The following DPP10 variants were observed in gnomAD, a reference collection of about 807,000 sequenced individuals.
DPP10 encodes the protein inactive dipeptidyl peptidase 10.
A neutral mutation model predicts 120.9 loss-of-function variants in DPP10; 33 were observed. The observed-to-expected ratio is 0.27, with a 90% confidence interval of 0.21 to 0.37. The LOEUF (loss-of-function observed/expected upper bound fraction) is 0.37. DPP10 is among the 10% of genes least tolerant of loss of function. DPP10 has a pLI of 1.00. For missense variants in DPP10, 816 were observed against 942.8 expected (o/e 0.87, Z 1.76); for synonymous variants, 337 against 326.1 (o/e 1.03, Z -0.36).
chr2:114,595,398 T>C (rs1437689487), intron 1 of DPP10, among the ~76,000 whole-genome samples: 1 of 152,076 alleles, frequency 6.6e-6, no homozygotes, highest in Non-Finnish European at 1.5e-5. Flanking sequence ...AATTATACTT[T>C]GTGAGGATGG....
At chr2:114,579,286 A>G (rs1457411599) in intron 1 of DPP10, among the ~76,000 whole-genome samples, 2 of 152,196 alleles carry the variant, frequency 1.3e-5, no homozygotes, top group Non-Finnish European at 2.9e-5. Context: ...GAGTGGAGTG[A>G]ACTGCTCAGC....
intron 5 of DPP10, among the ~76,000 whole-genome samples, chr2:115,651,076 T>C (rs367925912): frequency 2.0e-5 from 3 of 152,038 alleles, no homozygotes; most frequent in South Asian, 2.1e-4. Context: ...TGCTTATCTT[T>C]TTCTCCATTA....
intron 1 of DPP10, among the ~76,000 whole-genome samples, chr2:115,127,759 C>G (rs934709547): frequency 6.6e-6 from 1 of 152,130 alleles, no homozygotes; most frequent in Non-Finnish European, 1.5e-5. Flanking sequence ...TTACTTGCCC[C>G]TTAGTAGCTT....
intron 1 of DPP10, among the ~76,000 whole-genome samples, chr2:114,832,558 T>G (rs1558788028): frequency 6.6e-6 from 1 of 152,090 alleles, no homozygotes; most frequent in Admixed American, 6.6e-5. Flanking sequence ...AATAAATGAA[T>G]AAATAAACAA....
At chr2:114,918,233 A>G (rs887675863) in intron 1 of DPP10, among the ~76,000 whole-genome samples, 3 of 152,236 alleles carry the variant, frequency 2.0e-5, no homozygotes, top group East Asian at 1.9e-4. Context: ...AATGCAAATC[A>G]AAACAGCACA....
intron 1 of DPP10, among the ~76,000 whole-genome samples, chr2:115,138,358 G>T (rs1573751018): frequency 6.6e-6 from 1 of 152,246 alleles, no homozygotes; most frequent in South Asian, 2.1e-4. Context: ...GCATTATAAA[G>T]CATCCTTCCT....
intron 1 of DPP10, among the ~76,000 whole-genome samples, chr2:115,151,491 T>A (rs1044360847): frequency 6.6e-6 from 1 of 150,442 alleles, no homozygotes; most frequent in African/African-American, 2.4e-5. Context: ...CACTGCAACC[T>A]CTGCCGCCTG....
intron 1 of DPP10, among the ~76,000 whole-genome samples, chr2:114,861,475 T>C (rs1275983640): frequency 2.0e-5 from 3 of 152,218 alleles, no homozygotes; most frequent in Non-Finnish European, 4.4e-5. Context: ...CACCAACAAA[T>C]GCATTTGATT....
chr2:114,462,137 C>T (rs1278287489), intron 1 of DPP10: 1 of 985,302 alleles, frequency 1.0e-6, no homozygotes. Context: ...TCCCGTAACA[C>T]CAGGTAATTT....
chr2:115,443,882 G>A (rs2072314590), intron 3 of DPP10, among the ~76,000 whole-genome samples: 3 of 152,304 alleles, frequency 2.0e-5, no homozygotes, highest in South Asian at 4.1e-4. Flanking sequence ...TCTGTTTCGT[G>A]CATTGCAGTT....
rs1202125968 is a variant in DPP10, at chr2:115,844,649, C to G, written c.*2304C>G. The G allele has an allele frequency of 6.6e-6, 1 of 152,090 alleles. No individual in the cohort carries two copies. Among genetic ancestry groups the G allele is most frequent in the Non-Finnish European group, 1.5e-5 (1 of 68,020 alleles). 9.4% of individuals were successfully genotyped at this position (152,090 alleles called of 1,614,324 possible). A position where few individuals can be genotyped will look rare whatever the true frequency, so the allele number is the denominator to read the frequency against. ...GGATTTTCCCCTGTATACATGTACC[C>G]TTGGTCATAATCCCACTATTTCATA... On this transcript the variant is annotated 3_prime_UTR_variant, in exon 26 of 26. Transcript: ENST00000410059.
At chr2:115,004,719 C>CG (rs765891290) in intron 1 of DPP10, among the ~76,000 whole-genome samples, 62 of 152,202 alleles carry the variant, frequency 4.1e-4, no homozygotes, top group Middle Eastern at 3.4e-3. Flanking sequence ...GAGGGTCCTA[C>CG]CCCATGGAGT....
At chr2:114,936,854 A>G (rs1326084480) in intron 1 of DPP10, among the ~76,000 whole-genome samples, 2 of 152,160 alleles carry the variant, frequency 1.3e-5, no homozygotes, top group African/African-American at 4.8e-5. Context: ...AATACTGAGC[A>G]TTTTTACATA....
rs1559075539 is a variant in DPP10 at position 115,723,620 on chromosome 2, T to TTC, written c.577-4195_577-4194insCT. On this transcript the variant is annotated intron_variant, in intron 7 of 25. Transcript: ENST00000410059. Reference sequence around the variant, plus strand: ...ATTTTGTTGTTGTTGTTGTTGTTTTTTGTTTTTTTTTTTTTTTACACGGCT... The same window carrying TTC: ...ATTTTGTTGTTGTTGTTGTTGTTTTTTCTGTTTTTTTTTTTTTTTACACGGCT... 9.8e-4 allele frequency among the ~76,000 whole-genome samples: 137 copies of TTC among 139,826 alleles called. 2 individuals carry two copies. The highest frequency in any genetic ancestry group is 3.7e-3 in the Middle Eastern group (1 of 272). 91.7% of individuals were successfully genotyped at this position (139,826 alleles called of 152,430 possible).
chr2:114,538,351 T>G (rs1686684422), intron 1 of DPP10, among the ~76,000 whole-genome samples: 1 of 152,106 alleles, frequency 6.6e-6, no homozygotes, highest in African/African-American at 2.4e-5. Flanking sequence ...GCTCAGAATG[T>G]TAGGTGGCAA....
chr2:115,789,597 A>G (rs1683719708), intron 17 of DPP10, among the ~76,000 whole-genome samples: 1 of 152,212 alleles, frequency 6.6e-6, no homozygotes, highest in Non-Finnish European at 1.5e-5. Context: ...TCTGTGCAAC[A>G]TTGTGGTAGA....
chr2:115,498,687 C>CATAT (rs111745778), intron 3 of DPP10, among the ~76,000 whole-genome samples: 1 of 132,044 alleles, frequency 7.6e-6, no homozygotes, highest in Non-Finnish European at 1.6e-5. Flanking sequence ...TTTACCTAAT[C>CATAT]ATATATATAT....
chr2:114,884,016 T>C (rs1167011764), intron 1 of DPP10, among the ~76,000 whole-genome samples: 22 of 136,246 alleles, frequency 1.6e-4, no homozygotes, highest in Non-Finnish European at 4.7e-5. Flanking sequence ...TGCAGTCTTC[T>C]AGAATACTAG....
intron 21 of DPP10, among the ~76,000 whole-genome samples, chr2:115,826,988 A>G (rs545635826): frequency 1.4e-4 from 22 of 152,120 alleles, no homozygotes; most frequent in African/African-American, 5.1e-4. Context: ...CTTTAATGTA[A>G]TCATTGTTAT....
Sources: gnomAD v4.1 joint callset for allele counts (sites outside exome capture counted in the v4.1 genomes callset) on GRCh38, gnomAD v4.1.1 for gene constraint, MANE v1.5 for transcripts, NCBI Gene and HGNC (gene_info 2026-07-23, HGNC 2026-07-21) for gene names.